Variants in MYO16 observed in about 807,000 individuals in gnomAD.
The protein encoded by MYO16 is myosin XVI.
MYO16 carries 94 observed loss-of-function variants against 205.3 expected under a neutral mutation model. The observed-to-expected ratio is 0.46, with a 90% CI of 0.39 to 0.54. The LOEUF (loss-of-function observed/expected upper bound fraction) is 0.54. Ranked by LOEUF, MYO16 falls within the 20% of genes least tolerant of loss-of-function variation. MYO16 has a pLI of 0.00. For synonymous variants in MYO16, 988 were observed against 954.0 expected (o/e 1.04, Z -0.66); for missense variants, 2,315 against 2,387.5 (o/e 0.97, Z 0.63).
chr13:109,001,014 GAA>G (rs1325697802), intron 21 of MYO16, among the ~76,000 whole-genome samples: 1 of 151,880 alleles, frequency 6.6e-6, no homozygotes, highest in Non-Finnish European at 1.5e-5. Flanking sequence ...TGTAAAAAGA[GAA>G]AGTGTTTTTC....
At chr13:108,743,494 A>G (rs141956057) in intron 4 of MYO16, among the ~76,000 whole-genome samples, 123 of 152,338 alleles carry the variant, frequency 8.1e-4, no homozygotes, top group African/African-American at 2.8e-3. Flanking sequence ...GCTGCTTGAA[A>G]TAAGAAGTTG....
intron 20 of MYO16, among the ~76,000 whole-genome samples, chr13:108,972,335 T>TAA (rs574594950): frequency 0.69 from 16,937 of 24,484 alleles, 6,644 homozygotes; most frequent in Non-Finnish European, 0.79. Flanking sequence ...GCCATCTATA[T>TAA]ATATATATAT....
chr13:108,774,740 A>G (rs1456458505), intron 4 of MYO16, among the ~76,000 whole-genome samples: 2 of 152,196 alleles, frequency 1.3e-5, no homozygotes, highest in African/African-American at 2.4e-5. Context: ...GTAAGAATAT[A>G]TATTATGAAG....
chr13:108,791,657 G>A (rs149272204), intron 5 of MYO16, among the ~76,000 whole-genome samples: 10 of 152,254 alleles, frequency 6.6e-5, no homozygotes, highest in South Asian at 2.1e-4. Context: ...ATCCAGGCTC[G>A]GAGAAGGAGC....
chr13:108,713,141 G>A (rs2139550745), intron 3 of MYO16, among the ~76,000 whole-genome samples: 1 of 152,108 alleles, frequency 6.6e-6, no homozygotes, highest in Non-Finnish European at 1.5e-5. Flanking sequence ...AAAGTAGGGG[G>A]TAAGTGAATA....
At chr13:108,663,313 A>ATT (rs34321775) in intron 1 of MYO16, among the ~76,000 whole-genome samples, 114 of 149,460 alleles carry the variant, frequency 7.6e-4, no homozygotes, top group African/African-American at 2.3e-3. Context: ...TTCTTTCTTT[A>ATT]TTTTTTTTTT....
intron 23 of MYO16, among the ~76,000 whole-genome samples, chr13:109,023,416 A>C (rs1490787968): frequency 2.1e-3 from 183 of 86,082 alleles, no homozygotes; most frequent in African/African-American, 8.0e-3. Flanking sequence ...TATTATACAG[A>C]TATAAATATA....
chr13:108,571,951 T>C, the MYO16 span, among the ~76,000 whole-genome samples: 1 of 151,640 alleles, frequency 6.6e-6, no homozygotes, highest in Non-Finnish European at 1.5e-5. Flanking sequence ...AACAGGGTCT[T>C]ACTCTATTGC....
Position 108,598,020 on chromosome 13 carries a change from C to T in MYO16, c.-39+1781C>T, listed in dbSNP as rs576079880. 5.9e-5 allele frequency among the ~76,000 whole-genome samples: 9 copies of T among 152,290 alleles called. No individual in the cohort carries two copies. The South Asian group carries it at 1.5e-3, about 25-fold the overall frequency. On this transcript the variant is annotated intron_variant, in intron 1 of 24. Coordinates refer to the MYO16 transcript ENST00000251041. Reference sequence around the variant, plus strand: ...TGAGTAGTCCACCATTCCCTATCCACGGCTGCTCCACTGCTGAAAATACCA... The same window carrying T: ...TGAGTAGTCCACCATTCCCTATCCATGGCTGCTCCACTGCTGAAAATACCA...
chr13:109,041,709 G>A (rs1300146426), intron 23 of MYO16, among the ~76,000 whole-genome samples: 2 of 152,098 alleles, frequency 1.3e-5, no homozygotes, highest in Non-Finnish European at 2.9e-5. Flanking sequence ...GAGTACACAA[G>A]ATTTATCTGT....
chr13:109,088,876 C>T (rs1888529386), intron 27 of MYO16, among the ~76,000 whole-genome samples: 1 of 152,200 alleles, frequency 6.6e-6, no homozygotes, highest in African/African-American at 2.4e-5. Context: ...CGCAACCGCT[C>T]AGGAGGGCGG....
At chr13:109,103,777 G>A (rs577198074) in intron 28 of MYO16, among the ~76,000 whole-genome samples, 1 of 152,246 alleles carries the variant, frequency 6.6e-6, no homozygotes, top group Non-Finnish European at 1.5e-5. Flanking sequence ...TGAGGATAGA[G>A]ATGTGGTATC....
At chr13:108,705,931 T>G (rs1383818217) in intron 2 of MYO16, among the ~76,000 whole-genome samples, 1 of 152,182 alleles carries the variant, frequency 6.6e-6, no homozygotes, top group Non-Finnish European at 1.5e-5. Flanking sequence ...ATACTAGTTT[T>G]CATAAATGCT....
Position 108,798,688 on chromosome 13 carries a change from A to ATTTTTTTTTTT in MYO16, c.741+5066_741+5076dup, listed in dbSNP as rs35432777. On this transcript the variant is annotated intron_variant, in intron 6 of 34. Coordinates refer to ENST00000457511, the MANE Select transcript of MYO16 (RefSeq NM_001198950.3). ...TATATCACATCTGGCCCCGAGGCTT[A>ATTTTTTTTTTT]TTTTTTTTTTTTTTTTTTTTTTTTT... is the stretch of plus-strand genomic sequence containing the variant. Among the ~76,000 whole-genome samples the ATTTTTTTTTTT allele has an allele frequency of 5.7e-5, 4 of 70,350 alleles. 2 individuals carry two copies. Among genetic ancestry groups the ATTTTTTTTTTT allele is most frequent in the African/African-American group, 2.4e-4 (4 of 16,680 alleles). 46.2% of individuals were successfully genotyped at this position (70,350 alleles called of 152,430 possible). A position where few individuals can be genotyped will look rare whatever the true frequency, so the allele number is the denominator to read the frequency against.
At chr13:109,036,779 G>C (rs1821344198) in intron 23 of MYO16, among the ~76,000 whole-genome samples, 1 of 152,150 alleles carries the variant, frequency 6.6e-6, no homozygotes. Context: ...TTCCAATCTT[G>C]AGAAGGAAAA....
chr13:109,103,094 A>G (rs932337345), intron 28 of MYO16, among the ~76,000 whole-genome samples: 14 of 152,196 alleles, frequency 9.2e-5, no homozygotes, highest in African/African-American at 2.7e-4. Flanking sequence ...GAAATGAAGC[A>G]TATTCATACT....
In MYO16 at chr13:109,206,627, C is replaced by T; in HGVS notation, c.5434C>T (p.Leu1812Phe). Residue 1812 changes from leucine to phenylalanine, a missense_variant, in exon 35 of 35, where the codon CTC becomes TTC. By Grantham distance (22) the Leu-to-Phe change is conservative. Transcript: ENST00000457511. The part of the protein sequence containing the change: ...HTTQVIHQLR[L>F]SENESVALQE... ...CCCACAGGTAATCCATCAGCTGAGG[C>T]TCTCAGAGAATGAAAGTGTGGCCCT... 1 of 1,613,402 alleles carries T rather than the reference C, an allele frequency of 6.2e-7. No individual in the cohort carries two copies. Among genetic ancestry groups the T allele is most frequent in the Admixed American group, 1.7e-5 (1 of 60,004 alleles).
chr13:108,592,571 G>A (rs1466187125), upstream of MYO16, among the ~76,000 whole-genome samples: 1 of 148,228 alleles, frequency 6.7e-6, no homozygotes, highest in African/African-American at 2.5e-5. Context: ...GAGTGAGGTG[G>A]AGGCTGTGGA....
At chr13:109,143,805 T>C (rs1459775079) in intron 32 of MYO16, among the ~76,000 whole-genome samples, 1 of 152,234 alleles carries the variant, frequency 6.6e-6, no homozygotes, top group Non-Finnish European at 1.5e-5. Flanking sequence ...TCTATTTTCT[T>C]ATTGTGGGCT....
Sources: gnomAD v4.1 joint callset for allele counts (sites outside exome capture counted in the v4.1 genomes callset) on GRCh38, gnomAD v4.1.1 for gene constraint, MANE v1.5 for transcripts, NCBI Gene and HGNC (gene_info 2026-07-23, HGNC 2026-07-21) for gene names.